Variants in WWOX observed in about 807,000 individuals in gnomAD.
The protein encoded by WWOX is WW domain containing oxidoreductase.
In WWOX, 69 loss-of-function variants were observed where a neutral mutation model predicts 46.2. That is an observed-to-expected ratio of 1.49 (90% CI 1.23 to 1.82). The LOEUF (loss-of-function observed/expected upper bound fraction) is 1.82. Ranked by LOEUF, WWOX falls within the 40% of genes most tolerant of loss-of-function variation. The probability of loss-of-function intolerance (pLI) is 0.00; values close to 1 mark genes in which losing one functional copy is unlikely to be tolerated. For synonymous variants in WWOX, 359 were observed against 202.6 expected (o/e 1.77, Z -6.56); for missense variants, 919 against 542.6 (o/e 1.69, Z -6.89).
At chr16:78,592,376 A>C (rs1468079937) in intron 8 of WWOX, among the ~76,000 whole-genome samples, 2 of 152,208 alleles carry the variant, frequency 1.3e-5, no homozygotes, top group African/African-American at 4.8e-5. Flanking sequence ...TGAATTGAAC[A>C]CCATTTCTCA....
chr16:79,154,271 C>T (rs140562949), intron 8 of WWOX, among the ~76,000 whole-genome samples: 1 of 152,156 alleles, frequency 6.6e-6, no homozygotes, highest in Non-Finnish European at 1.5e-5. Context: ...GGTGAGGTCA[C>T]CGTGGGAATG....
intron 4 of WWOX, among the ~76,000 whole-genome samples, chr16:78,134,430 T>G (rs2033718834): frequency 6.6e-6 from 1 of 152,200 alleles, no homozygotes; most frequent in African/African-American, 2.4e-5. Flanking sequence ...GTTGAGCCCC[T>G]CTTCTCTTAG....
At chr16:78,127,940 C>T (rs941379733) in intron 4 of WWOX, among the ~76,000 whole-genome samples, 1 of 152,134 alleles carries the variant, frequency 6.6e-6, no homozygotes, top group Non-Finnish European at 1.5e-5. Flanking sequence ...CCTTAATTTC[C>T]TCGTTTGTAA....
intron 8 of WWOX, among the ~76,000 whole-genome samples, chr16:78,644,837 G>C (rs966073374): frequency 1.3e-5 from 2 of 152,172 alleles, no homozygotes; most frequent in Non-Finnish European, 1.5e-5. Flanking sequence ...ACACTAGTAG[G>C]TACAGCAGGA....
intron 8 of WWOX, among the ~76,000 whole-genome samples, chr16:78,682,271 C>G (rs1487173559): frequency 6.6e-6 from 1 of 152,150 alleles, no homozygotes; most frequent in Admixed American, 6.5e-5. Flanking sequence ...TCTATTTAAA[C>G]TAGTAAACTT....
chr16:78,301,877 T>C (rs879103304), intron 5 of WWOX, among the ~76,000 whole-genome samples: 1 of 152,074 alleles, frequency 6.6e-6, no homozygotes, highest in African/African-American at 2.4e-5. Context: ...ATTTAACATA[T>C]CTTAGATCAC....
intron 8 of WWOX, among the ~76,000 whole-genome samples, chr16:78,740,906 C>A (rs879373934): frequency 6.6e-6 from 1 of 152,124 alleles, no homozygotes; most frequent in African/African-American, 2.4e-5. Flanking sequence ...ACCAGAAACC[C>A]TCACAGAAAA....
chr16:78,689,199 A>C (rs529117161), intron 8 of WWOX, among the ~76,000 whole-genome samples: 1 of 152,270 alleles, frequency 6.6e-6, no homozygotes, highest in African/African-American at 2.4e-5. Flanking sequence ...TCAGCCCAAA[A>C]TGGCAGTAGT....
At chr16:78,951,736 C>A (rs952536669) in intron 8 of WWOX, among the ~76,000 whole-genome samples, 10 of 152,032 alleles carry the variant, frequency 6.6e-5, no homozygotes, top group African/African-American at 1.9e-4. Context: ...AGGCCTGGGC[C>A]CATGGAAGGG....
chr16:78,197,731 A>T (rs2036099774), intron 5 of WWOX, among the ~76,000 whole-genome samples: 1 of 152,158 alleles, frequency 6.6e-6, no homozygotes, highest in African/African-American at 2.4e-5. Flanking sequence ...CATGAAAAGG[A>T]TGTCATTGTC....
At chr16:78,683,557 A>C (rs867189625) in intron 8 of WWOX, among the ~76,000 whole-genome samples, 2 of 86,002 alleles carry the variant, frequency 2.3e-5, no homozygotes, top group Middle Eastern at 6.8e-3. Context: ...AATAATAAAA[A>C]TAATAAAAAA....
intron 8 of WWOX, among the ~76,000 whole-genome samples, chr16:78,710,722 C>G (rs182641588): frequency 2.1e-4 from 32 of 151,346 alleles, no homozygotes; most frequent in Middle Eastern, 3.4e-3. Flanking sequence ...TCAACTGATT[C>G]TCTCATCTTA....
At chr16:78,608,438 G>A (rs2045816955) in intron 8 of WWOX, among the ~76,000 whole-genome samples, 1 of 152,200 alleles carries the variant, frequency 6.6e-6, no homozygotes, top group South Asian at 2.1e-4. Flanking sequence ...TCTTGCCCCA[G>A]GCAGAGTGGA....
At chr16:78,533,961 C>G (rs1391234600) in intron 8 of WWOX, among the ~76,000 whole-genome samples, 1 of 152,136 alleles carries the variant, frequency 6.6e-6, no homozygotes, top group Non-Finnish European at 1.5e-5. Context: ...AGTAACCCTA[C>G]ATTCTAGCGT....
intron 8 of WWOX, among the ~76,000 whole-genome samples, chr16:78,908,303 G>A (rs977891562): frequency 4.6e-5 from 7 of 152,102 alleles, no homozygotes; most frequent in African/African-American, 1.7e-4. Context: ...ATTTTGGGAG[G>A]CCAAGGAGGG....
At chr16:78,574,522 A>G (rs748447872) in intron 8 of WWOX, among the ~76,000 whole-genome samples, 6 of 152,194 alleles carry the variant, frequency 3.9e-5, no homozygotes, top group Non-Finnish European at 5.9e-5. Flanking sequence ...CAAGAAGCCC[A>G]TGAATGTCTT....
intron 8 of WWOX, among the ~76,000 whole-genome samples, chr16:78,730,192 G>A (rs2142380180): frequency 6.6e-6 from 1 of 152,162 alleles, no homozygotes; most frequent in East Asian, 1.9e-4. Flanking sequence ...TAAAGCTCTG[G>A]TTACATATGG....
intron 8 of WWOX, among the ~76,000 whole-genome samples, chr16:78,909,855 CA>C (rs1449473443): frequency 2.0e-5 from 3 of 152,170 alleles, no homozygotes; most frequent in Non-Finnish European, 2.9e-5. Context: ...TACTGCTTGG[CA>C]AATGGCACAT....
At chr16:78,930,743 C>A (rs879934135) in intron 8 of WWOX, among the ~76,000 whole-genome samples, 8 of 152,078 alleles carry the variant, frequency 5.3e-5, no homozygotes, top group African/African-American at 1.9e-4. Flanking sequence ...AGCAGAAGAA[C>A]TCACTGAAAA....
Sources: allele counts gnomAD v4.1 joint callset (sites outside exome capture counted in the v4.1 genomes callset), GRCh38; gene constraint gnomAD v4.1.1; transcripts MANE v1.5; gene names NCBI Gene and HGNC (gene_info 2026-07-23, HGNC 2026-07-21).